The following PMFBP1 variants were observed in gnomAD, a reference collection of about 807,000 sequenced individuals.
PMFBP1 encodes polyamine-modulated factor 1-binding protein 1.
In PMFBP1, 131 loss-of-function variants were observed where a neutral mutation model predicts 137.8. The ratio of observed to expected loss-of-function variants is 0.95; its 90% CI spans 0.82 to 1.10. PMFBP1 has a LOEUF of 1.10. Among genes scored for constraint, PMFBP1 ranks in the 50% least tolerant of loss-of-function variants. The probability of loss-of-function intolerance (pLI) is 0.00; values close to 1 mark genes in which losing one functional copy is unlikely to be tolerated. For missense variants in PMFBP1, 1,199 were observed against 1,175.4 expected, an observed-to-expected ratio of 1.02 and a Z score of -0.29; for synonymous variants, 490 against 450.4, an observed-to-expected ratio of 1.09 and a Z score of -1.11.
chr16:72,140,241 G>C (rs1439489957), intron 6 of PMFBP1, among the ~76,000 whole-genome samples, 171 bp downstream of exon 6: 3 of 152,166 alleles, frequency 2.0e-5, no homozygotes, highest in Non-Finnish European at 4.4e-5. Flanking sequence ...ATTTGGGTGG[G>C]AAGAAGCATT....
intron 20 of PMFBP1, 142 bp downstream of exon 20, chr16:72,119,709 A>C: frequency 6.7e-7 from 1 of 1,486,516 alleles, no homozygotes; most frequent in Non-Finnish European, 8.9e-7. Flanking sequence ...ACAGATGTGA[A>C]AACAACGATC....
chr16:72,130,442 C>T, intron 11 of PMFBP1, 85 bp from the exon 12 acceptor site: 2 of 1,606,132 alleles, frequency 1.2e-6, no homozygotes, highest in Non-Finnish European at 1.7e-6. Flanking sequence ...GAAATCCTTG[C>T]TCTCCCACGC....
At chr16:72,230,767 C>T in the PMFBP1 span, among the ~76,000 whole-genome samples, 3 of 152,174 alleles carry the variant, frequency 2.0e-5, no homozygotes, top group South Asian at 4.1e-4. Context: ...GCTGTCGCTA[C>T]CTTGGATCAG....
rs117216343 is a variant in PMFBP1, at chr16:72,137,957, C to T, written c.919-1138G>A. Among the ~76,000 whole-genome samples the T allele has an allele frequency of 4.7e-4, 71 of 152,120 alleles. 1 individual carries two copies. In the East Asian group the frequency reaches 5.0e-3, roughly 11 times the overall value. On this transcript the variant is annotated intron_variant, in intron 7 of 20. Transcript: ENST00000237353. ...AAGCCCCACACTGTGCCACACTTGC[C>T]GAGGGGAGGAGAGGCCTGCTGGAAA...
At position 72,125,306 on chromosome 16, in the gene PMFBP1, C is replaced by A. The variant is rs1354872351; in HGVS notation, c.2353G>T (p.Glu785Ter). ...TCCGTATTGAGCTTTTTCATCCTTT[C>A]CTCATAAGCAATGATTTCCTCTTCC... is the stretch of plus-strand genomic sequence containing the variant. The part of the protein sequence containing the change: ...QLEEEIIAYE[E>*]RMKKLNTELR... The change falls in exon 16 of 21, where the codon GAA becomes TAA. Residue 785 changes from glutamate (E) to a stop codon, truncating the protein, a stop_gained. Transcript: ENST00000237353. LOFTEE classifies it high-confidence loss of function. The A allele has an allele frequency of 6.2e-7, 1 of 1,614,076 alleles. No homozygotes were observed. Among genetic ancestry groups the A allele is most frequent in the Non-Finnish European group, 8.5e-7 (1 of 1,180,048 alleles).
Position 72,128,845 on chromosome 16 carries a change from T to C in PMFBP1, c.1951-51A>G, listed in dbSNP as rs767196181. 6 of 1,609,372 alleles carry C rather than the reference T, an allele frequency of 3.7e-6. No individual in the cohort carries two copies. In the South Asian group the frequency reaches 5.5e-5, roughly 15 times the overall value. The stretch of plus-strand genomic sequence containing the variant: ...ACAGCAAAGAGGTGTTAATCTCAGA[T>C]AACTATAAAAGCCCCACTCCACCCT... On this transcript the variant is annotated intron_variant, in intron 13 of 20. Coordinates refer to ENST00000237353, the MANE Select transcript of PMFBP1 (RefSeq NM_031293.3).
chr16:72,130,940 C>T (rs2042541090), intron 10 of PMFBP1, among the ~76,000 whole-genome samples: 1 of 152,170 alleles, frequency 6.6e-6, no homozygotes, highest in Admixed American at 6.5e-5. Flanking sequence ...ATTAAACAAA[C>T]TGGTAGAAAT....
chr16:72,148,368 C>CGGGGGGAGGGGGG (rs1354345341), intron 5 of PMFBP1, among the ~76,000 whole-genome samples: 1 of 10,952 alleles, frequency 9.1e-5, no homozygotes, highest in Non-Finnish European at 1.7e-4. Flanking sequence ...GGGGGCCTGT[C>CGGGGGGAGGGGGG]GGGGGGTGGG....
the PMFBP1 span, among the ~76,000 whole-genome samples, chr16:72,198,405 A>G: frequency 6.6e-6 from 1 of 152,192 alleles, no homozygotes; most frequent in Non-Finnish European, 1.5e-5. Flanking sequence ...ACTGTTCAGC[A>G]CCAATATTCA....
chr16:72,132,103 C>T (rs1395231405), intron 10 of PMFBP1, among the ~76,000 whole-genome samples: 1 of 152,178 alleles, frequency 6.6e-6, no homozygotes, highest in Admixed American at 6.5e-5. Flanking sequence ...CCTTGGCCTC[C>T]AAAAGTGCTG....
At chr16:72,158,347 C>G (rs1202823266) in intron 3 of PMFBP1, among the ~76,000 whole-genome samples, 1 of 152,186 alleles carries the variant, frequency 6.6e-6, no homozygotes, top group African/African-American at 2.4e-5. Flanking sequence ...CTCTGTGTAG[C>G]TATAATTGCC....
rs1464547929 is a variant in PMFBP1 at position 72,164,570 on chromosome 16, T to C, written c.165+194A>G. 5 of 1,271,850 alleles carry C rather than the reference T, an allele frequency of 3.9e-6. No individual in the cohort carries two copies. The Admixed American group carries it at 1.0e-4, about 26-fold the overall frequency. 78.8% of individuals were successfully genotyped at this position (1,271,850 alleles called of 1,614,324 possible). ...ACCTTGGAGATAGATGGAAAAGTCCTGAAGGCAGGACTGGCATTTTCCATG... is the reference window on the plus strand; with the variant it reads ...ACCTTGGAGATAGATGGAAAAGTCCCGAAGGCAGGACTGGCATTTTCCATG... On this transcript the variant is annotated intron_variant, in intron 3 of 20. Coordinates refer to ENST00000237353, the MANE Select transcript of PMFBP1 (RefSeq NM_031293.3).
chr16:72,173,546 T>C (rs188598167), upstream of PMFBP1, among the ~76,000 whole-genome samples: 684 of 152,192 alleles, frequency 4.5e-3, 1 homozygote, highest in Non-Finnish European at 7.3e-3. Flanking sequence ...GTAAGGTAAG[T>C]AGGAAGAAAA....
At chr16:72,244,169 T>C in the PMFBP1 span, among the ~76,000 whole-genome samples, 1 of 152,150 alleles carries the variant, frequency 6.6e-6, no homozygotes, top group Non-Finnish European at 1.5e-5. Context: ...AGTGATCACA[T>C]TAACCTCCTT....
At chr16:72,238,541 A>G in the PMFBP1 span, among the ~76,000 whole-genome samples, 1 of 152,058 alleles carries the variant, frequency 6.6e-6, no homozygotes, top group Non-Finnish European at 1.5e-5. Context: ...CTTATAGTCT[A>G]TATGTCAGTA....
intron 3 of PMFBP1, among the ~76,000 whole-genome samples, chr16:72,159,549 A>G (rs181325155): frequency 1.3e-5 from 2 of 152,346 alleles, no homozygotes; most frequent in African/African-American, 4.8e-5. Context: ...GAGAAACTAG[A>G]GTTCTTTGGA....
At chr16:72,126,193 G>C (rs1199161381) in intron 14 of PMFBP1, 61 bp from the exon 15 acceptor site, 1 of 1,547,166 alleles carries the variant, frequency 6.5e-7, no homozygotes. Context: ...GGCATTCTCT[G>C]TGCCTATAGG....
the PMFBP1 span, among the ~76,000 whole-genome samples, chr16:72,193,841 C>T: frequency 1.1e-4 from 16 of 152,198 alleles, no homozygotes; most frequent in African/African-American, 2.4e-4. Flanking sequence ...ATCAGCATGG[C>T]GCACACATAC....
At chr16:72,163,120 G>A (rs1490957716) in intron 3 of PMFBP1, among the ~76,000 whole-genome samples, 1 of 152,226 alleles carries the variant, frequency 6.6e-6, no homozygotes, top group Non-Finnish European at 1.5e-5. Context: ...AGAACACAGT[G>A]GCGGCTTCAC....
Sources: allele counts gnomAD v4.1 joint callset (sites outside exome capture counted in the v4.1 genomes callset), GRCh38; gene constraint gnomAD v4.1.1; transcripts MANE v1.5; gene names NCBI Gene and HGNC (gene_info 2026-07-23, HGNC 2026-07-21).